SLC4A7: variants seen among roughly 807,000 people sequenced by gnomAD.
The protein encoded by SLC4A7 is solute carrier family 4 member 7, also known as sodium bicarbonate cotransporter 3.
A neutral mutation model predicts 137.6 loss-of-function variants in SLC4A7; 51 were observed. The ratio of observed to expected loss-of-function variants is 0.37; its 90% CI spans 0.30 to 0.47. The LOEUF is 0.47. Ranked by LOEUF, SLC4A7 falls within the 20% of genes least tolerant of loss-of-function variation. SLC4A7 has a pLI of 1.00. For missense variants in SLC4A7, 1,247 were observed against 1,525.4 expected, an observed-to-expected ratio of 0.82 and a Z score of 3.04; for synonymous variants, 542 against 518.6, an observed-to-expected ratio of 1.05 and a Z score of -0.61.
intron 3 of SLC4A7, among the ~76,000 whole-genome samples, chr3:27,438,204 C>CGATAA (rs1484335641): frequency 8.1e-5 from 12 of 147,462 alleles, no homozygotes; most frequent in African/African-American, 2.8e-4. Flanking sequence ...GTCAATCAAT[C>CGATAA]AATAAAATAA....
chr3:27,468,144 G>A (rs1048907810), intron 1 of SLC4A7, among the ~76,000 whole-genome samples: 5 of 152,000 alleles, frequency 3.3e-5, no homozygotes, highest in African/African-American at 9.7e-5. Context: ...GGCCAGGCTG[G>A]TCTTGAACTC....
At chr3:27,425,241 G>A (rs1336285135) in intron 7 of SLC4A7, among the ~76,000 whole-genome samples, 1 of 151,852 alleles carries the variant, frequency 6.6e-6, no homozygotes, top group African/African-American at 2.4e-5. Flanking sequence ...GTGATGGCGT[G>A]TGCCTGTAGT....
At chr3:27,463,156 G>A (rs1481652673) in intron 1 of SLC4A7, among the ~76,000 whole-genome samples, 1 of 151,196 alleles carries the variant, frequency 6.6e-6, no homozygotes, top group African/African-American at 2.4e-5. Context: ...GGCCGGGCGC[G>A]GTGGCTCACG....
At position 27,383,192 on chromosome 3, in the gene SLC4A7, C is replaced by T. The variant is rs368963217; in HGVS notation, c.3551G>A (p.Gly1184Glu). 3 of 1,613,134 alleles carry T rather than the reference C, an allele frequency of 1.9e-6. No homozygotes were observed. The highest frequency in any genetic ancestry group is 1.7e-5 in the Admixed American group (1 of 59,974). The change falls in exon 24 of 26, where the codon GGA (glycine) becomes GAA (glutamate). Residue 1184 changes from glycine to glutamate, a missense_variant. By Grantham distance (98) the Gly-to-Glu change is moderately conservative. Around this residue, in one of 6 missense-constraint regions of SLC4A7, gnomAD observed 290 missense variants for 323.8 expected, o/e 0.90. Coordinates refer to ENST00000454389, the MANE Select transcript of SLC4A7 (RefSeq NM_001321103.2). ...CTTGACTGGAATTTGCAAGAGACTT[C>T]CCCCTTCAAATGGAAGGTGCACAGT... ...DDTVHLPFEG[G>E]SLLQIPVKAL...
At position 27,435,700 on chromosome 3, in the gene SLC4A7, C is replaced by T. The variant is rs183191103; in HGVS notation, c.589+688G>A. ...ACAAAAAATTCAAAAATTAGCCAGG[C>T]GTGGTGGTGTATACACCTGTGGTCC... On this transcript the variant is annotated intron_variant, in intron 5 of 25. Transcript: ENST00000454389. Among the ~76,000 whole-genome samples, 22 of 152,162 alleles carry T rather than the reference C, an allele frequency of 1.4e-4. No individual in the cohort carries two copies. The East Asian group carries it at 4.3e-3, about 29-fold the overall frequency.
At chr3:27,436,247 G>T in intron 5 of SLC4A7, 141 bp downstream of exon 5, 1 of 544,374 alleles carries the variant, frequency 1.8e-6, no homozygotes, top group Non-Finnish European at 3.1e-6. Context: ...AATCTCATCT[G>T]CAAATTTATC....
chr3:27,391,382 G>T (rs1257743853), intron 21 of SLC4A7, among the ~76,000 whole-genome samples: 1 of 152,140 alleles, frequency 6.6e-6, no homozygotes, highest in Non-Finnish European at 1.5e-5. Flanking sequence ...CAAATGGCGG[G>T]TCTTGCTATT....
chr3:27,395,996 C>T (rs1021990308), intron 18 of SLC4A7, among the ~76,000 whole-genome samples: 3 of 152,164 alleles, frequency 2.0e-5, no homozygotes, highest in Admixed American at 6.5e-5. Flanking sequence ...TACATTTTGA[C>T]AGTACAATGT....
intron 1 of SLC4A7, among the ~76,000 whole-genome samples, chr3:27,480,640 T>C (rs1232600466): frequency 6.6e-6 from 1 of 152,084 alleles, no homozygotes; most frequent in East Asian, 1.9e-4. Context: ...ATACTATTCC[T>C]AGGGTGCCAC....
chr3:27,385,022 G>A (rs753111542), intron 23 of SLC4A7, among the ~76,000 whole-genome samples: 5 of 151,900 alleles, frequency 3.3e-5, no homozygotes, highest in Non-Finnish European at 7.4e-5. Flanking sequence ...TAAAAATCTG[G>A]TGTCTTAATT....
chr3:27,458,743 G>C (rs1054246371), intron 1 of SLC4A7, among the ~76,000 whole-genome samples: 1 of 152,098 alleles, frequency 6.6e-6, no homozygotes, highest in Non-Finnish European at 1.5e-5. Context: ...GTAATCCTAG[G>C]ACCCTGGGAG....
At chr3:27,446,802 G>C (rs1378442968) in intron 3 of SLC4A7, among the ~76,000 whole-genome samples, 1 of 150,528 alleles carries the variant, frequency 6.6e-6, no homozygotes, top group Non-Finnish European at 1.5e-5. Context: ...TCCTTTGCTA[G>C]CTACATGACC....
chr3:27,470,242 T>C (rs1215312401), intron 1 of SLC4A7, among the ~76,000 whole-genome samples: 1 of 151,768 alleles, frequency 6.6e-6, no homozygotes, highest in Non-Finnish European at 1.5e-5. Flanking sequence ...TTTTTTTTGC[T>C]CATGAGCTTA....
chr3:27,445,068 G>GT (rs2057483186), intron 3 of SLC4A7, among the ~76,000 whole-genome samples: 1 of 152,180 alleles, frequency 6.6e-6, no homozygotes, highest in Non-Finnish European at 1.5e-5. Flanking sequence ...CCAATACCCT[G>GT]TATGTGTCAA....
intron 24 of SLC4A7, among the ~76,000 whole-genome samples, chr3:27,380,136 G>A (rs185285008): frequency 5.9e-5 from 9 of 152,072 alleles, no homozygotes; most frequent in Admixed American, 2.0e-4. Context: ...GTGAAACCCC[G>A]TCTTTGCTAA....
Position 27,484,153 on chromosome 3 carries a change from G to T in SLC4A7, c.-27C>A, listed in dbSNP as rs895655592. On this transcript the variant is annotated 5_prime_UTR_variant, in exon 1 of 26. Transcript: ENST00000454389. ...GCCGGCCGGCCAGCCCGTGACGGCCGCTACGGTACTGCCCCGCGCGGTCTG... is the reference window on the plus strand; with the variant it reads ...GCCGGCCGGCCAGCCCGTGACGGCCTCTACGGTACTGCCCCGCGCGGTCTG... The T allele has an allele frequency of 1.2e-5, 16 of 1,345,772 alleles. No homozygotes were observed. Among genetic ancestry groups the T allele is most frequent in the Non-Finnish European group, 1.5e-5 (16 of 1,046,354 alleles). 83.4% of individuals were successfully genotyped at this position (1,345,772 alleles called of 1,614,324 possible). A position where few individuals can be genotyped will look rare whatever the true frequency, so the allele number is the denominator to read the frequency against.
intron 1 of SLC4A7, among the ~76,000 whole-genome samples, chr3:27,452,710 A>G (rs541239279): frequency 6.6e-6 from 1 of 152,328 alleles, no homozygotes; most frequent in South Asian, 2.1e-4. Context: ...GAGAAGTGAA[A>G]TGGCAAAGAT....
At chr3:27,478,022 T>C (rs542973998) in intron 1 of SLC4A7, among the ~76,000 whole-genome samples, 118 of 152,282 alleles carry the variant, frequency 7.7e-4, no homozygotes, top group African/African-American at 2.3e-3. Flanking sequence ...CTCATGTTCC[T>C]AATCAGAGAT....
rs984732586 is a variant in SLC4A7, at chr3:27,395,260, A to G, written c.2704-145T>C. The G allele has an allele frequency of 5.4e-6, 3 of 557,116 alleles. No individual in the cohort carries two copies. In the African/African-American group the frequency reaches 5.7e-5, roughly 11 times the overall value. 34.5% of individuals were successfully genotyped at this position (557,116 alleles called of 1,614,324 possible). The stretch of plus-strand genomic sequence containing the variant: ...TGAACTACATGGTGAATTATTTTCA[A>G]AGATGGCCACAGTAATTCTTCCTAT... On this transcript the variant is annotated intron_variant, in intron 18 of 25. Coordinates refer to ENST00000454389, the MANE Select transcript of SLC4A7 (RefSeq NM_001321103.2).
Sources: allele counts gnomAD v4.1 joint callset (sites outside exome capture counted in the v4.1 genomes callset), GRCh38; gene constraint gnomAD v4.1.1; regional missense constraint gnomAD v4.1.1; transcripts MANE v1.5; gene names NCBI Gene and HGNC (gene_info 2026-07-23, HGNC 2026-07-21).